Variants in EEA1 observed in about 807,000 individuals in gnomAD.
The protein encoded by EEA1 is early endosome antigen 1, also known as early endosome antigen 1, 162kD.
In EEA1, 111 loss-of-function variants were observed where a neutral mutation model predicts 209.2. That is an observed-to-expected ratio of 0.53 (90% CI 0.45 to 0.62). The LOEUF (loss-of-function observed/expected upper bound fraction) is 0.62, where lower values mean the gene tolerates loss of function less well. Ranked by LOEUF, EEA1 falls within the 20% of genes least tolerant of loss-of-function variation. EEA1 has a pLI of 0.00. For missense variants in EEA1, 1,343 were observed against 1,530.8 expected, an observed-to-expected ratio of 0.88 and a Z score of 2.05; for synonymous variants, 536 against 540.6, an observed-to-expected ratio of 0.99 and a Z score of 0.12.
Position 92,776,270 on chromosome 12 carries a change from T to G in EEA1, c.4114-137A>C, listed in dbSNP as rs1873655807. On this transcript the variant is annotated intron_variant, in intron 28 of 28. Transcript: ENST00000322349. The stretch of plus-strand genomic sequence containing the variant: ...ATTGGTATATTATTTAATGATATGT[T>G]TCAATATGTTAACTTAATCTCTGTT... 4.0e-6 allele frequency: 3 copies of G among 756,800 alleles called. No homozygotes were observed. In the Admixed American group the frequency reaches 1.1e-4, roughly 27 times the overall value. The allele number at this position is 756,800 out of a possible 1,614,324, so 46.9% of individuals were successfully genotyped here.
rs947270446 is a variant in EEA1, at chr12:92,822,869, C to T, written c.1524+3297G>A. 7.2e-5 allele frequency among the ~76,000 whole-genome samples: 11 copies of T among 152,162 alleles called. No individual in the cohort carries two copies. In the East Asian group the frequency reaches 1.7e-3, roughly 24 times the overall value. On this transcript the variant is annotated intron_variant, in intron 13 of 28. Transcript: ENST00000322349. ...AAGACACATCCTAAACTGAACACAC[C>T]ACATTCCCCTATGAGATGGCCATTT...
intron 2 of EEA1, among the ~76,000 whole-genome samples, chr12:92,885,321 A>G (rs962640024): frequency 6.6e-6 from 1 of 152,144 alleles, no homozygotes; most frequent in African/African-American, 2.4e-5. Context: ...GGAGACCATG[A>G]TATTTCCAAT....
At chr12:92,900,487 A>G (rs1880101716) in intron 1 of EEA1, among the ~76,000 whole-genome samples, 1 of 151,980 alleles carries the variant, frequency 6.6e-6, no homozygotes, top group African/African-American at 2.4e-5. Context: ...AATATCAGCT[A>G]CAGTTCTGCA....
chr12:92,885,815 C>A (rs945194598), intron 2 of EEA1, among the ~76,000 whole-genome samples: 1 of 152,126 alleles, frequency 6.6e-6, no homozygotes, highest in Non-Finnish European at 1.5e-5. Context: ...AGTGGACCTG[C>A]GCAGTTCAAA....
At chr12:92,802,345 C>G (rs908476318) in intron 19 of EEA1, 59 bp downstream of exon 19, 1 of 1,427,264 alleles carries the variant, frequency 7.0e-7, no homozygotes, top group Non-Finnish European at 9.4e-7. Flanking sequence ...GCAGAAAAAT[C>G]AGTACATTTT....
At chr12:92,867,273 C>T (rs1878441788) in intron 2 of EEA1, among the ~76,000 whole-genome samples, 1 of 152,204 alleles carries the variant, frequency 6.6e-6, no homozygotes, top group African/African-American at 2.4e-5. Flanking sequence ...GCGTATACTG[C>T]TTTTTCCCTC....
chr12:92,892,079 C>A (rs1198035496), intron 1 of EEA1, among the ~76,000 whole-genome samples: 1 of 152,040 alleles, frequency 6.6e-6, no homozygotes, highest in East Asian at 1.9e-4. Context: ...ACTTGTTCAC[C>A]ATTGTACTCT....
intron 1 of EEA1, among the ~76,000 whole-genome samples, chr12:92,924,953 G>A (rs1881153144): frequency 6.6e-6 from 1 of 151,284 alleles, no homozygotes; most frequent in Non-Finnish European, 1.5e-5. Context: ...AACTTAGATG[G>A]GCAACTAATC....
At chr12:92,862,797 TAGG>T (rs1381691730) in intron 3 of EEA1, among the ~76,000 whole-genome samples, 1 of 152,178 alleles carries the variant, frequency 6.6e-6, no homozygotes, top group Non-Finnish European at 1.5e-5. Context: ...CAGATGCGGG[TAGG>T]AGGAGCAGAT....
rs1013059483 is a variant in EEA1 at position 92,844,917 on chromosome 12, G to C, written c.799-2336C>G. Among the ~76,000 whole-genome samples, 5 of 151,954 alleles carry C rather than the reference G, an allele frequency of 3.3e-5. No individual in the cohort carries two copies. The East Asian group carries it at 9.6e-4, about 29-fold the overall frequency. ...TTAAGCCAAGTGTAAGGTCTATCTTGCTGATAAATTCCAACATGTAGAAAT... is the reference window on the plus strand; with the variant it reads ...TTAAGCCAAGTGTAAGGTCTATCTTCCTGATAAATTCCAACATGTAGAAAT... On this transcript the variant is annotated intron_variant, in intron 9 of 28. Coordinates refer to ENST00000322349, the MANE Select transcript of EEA1 (RefSeq NM_003566.4).
chr12:92,907,632 C>A (rs995132134), intron 1 of EEA1, among the ~76,000 whole-genome samples: 1 of 152,188 alleles, frequency 6.6e-6, no homozygotes, highest in Non-Finnish European at 1.5e-5. Flanking sequence ...CCTCTACATC[C>A]ACATTTGTAG....
At chr12:92,888,649 G>A (rs1879520140) in intron 2 of EEA1, among the ~76,000 whole-genome samples, 1 of 148,920 alleles carries the variant, frequency 6.7e-6, no homozygotes. Flanking sequence ...GATGCAATAA[G>A]GAATGGTAAA....
chr12:92,920,910 C>T (rs1415682533), intron 1 of EEA1, among the ~76,000 whole-genome samples: 1 of 151,196 alleles, frequency 6.6e-6, no homozygotes, highest in African/African-American at 2.4e-5. Context: ...AAGAAAAAAA[C>T]AAACAACCCC....
At chr12:92,874,311 C>T (rs916530486) in intron 2 of EEA1, among the ~76,000 whole-genome samples, 8 of 151,992 alleles carry the variant, frequency 5.3e-5, no homozygotes, top group African/African-American at 1.9e-4. Context: ...TAGAGTGAGA[C>T]CCTGTCTCAA....
intron 13 of EEA1, among the ~76,000 whole-genome samples, chr12:92,822,332 T>C (rs1332459058): frequency 2.0e-5 from 3 of 152,180 alleles, no homozygotes; most frequent in Admixed American, 6.5e-5. Flanking sequence ...ATTTCAAAAA[T>C]AATTTATATT....
intron 21 of EEA1, among the ~76,000 whole-genome samples, chr12:92,792,418 A>C (rs1038000326): frequency 6.6e-6 from 1 of 152,196 alleles, no homozygotes; most frequent in African/African-American, 2.4e-5. Context: ...AGAATCAAAT[A>C]GATGCAATAA....
intron 3 of EEA1, among the ~76,000 whole-genome samples, chr12:92,860,496 C>G (rs7967134): frequency 1.3e-4 from 20 of 152,090 alleles, no homozygotes; most frequent in Non-Finnish European, 2.4e-4. Context: ...GGGGTATGGC[C>G]TTAAGTACAG....
chr12:92,903,196 C>A (rs1880226770), intron 1 of EEA1, among the ~76,000 whole-genome samples: 1 of 151,896 alleles, frequency 6.6e-6, no homozygotes, highest in Non-Finnish European at 1.5e-5. Flanking sequence ...CTCGGCCTCC[C>A]AAAGTGCTGG....
intron 10 of EEA1, among the ~76,000 whole-genome samples, chr12:92,840,425 G>A (rs1477332548): frequency 2.6e-5 from 4 of 152,164 alleles, no homozygotes; most frequent in African/African-American, 4.8e-5. Context: ...TGATTCTCCT[G>A]CCTCAGCCTC....
Sources: gnomAD v4.1 joint callset for allele counts (sites outside exome capture counted in the v4.1 genomes callset) on GRCh38, gnomAD v4.1.1 for gene constraint, MANE v1.5 for transcripts, NCBI Gene and HGNC (gene_info 2026-07-23, HGNC 2026-07-21) for gene names.